IGF1R: variants seen among roughly 807,000 people sequenced by gnomAD.
IGF1R encodes insulin-like growth factor 1 receptor.
Under a neutral mutation model 144.6 loss-of-function variants are expected in IGF1R, and 44 were observed. That is an observed-to-expected ratio of 0.30 (90% confidence interval 0.24 to 0.39). The LOEUF (loss-of-function observed/expected upper bound fraction) is 0.39. Among genes scored for constraint, IGF1R ranks in the 10% least tolerant of loss-of-function variants. The pLI is 1.00. For missense variants in IGF1R, 1,355 were observed against 1,833.7 expected (o/e 0.74, Z 4.77); for synonymous variants, 795 against 722.8 (o/e 1.10, Z -1.60).
At chr15:98,929,959 T>C (rs1479854712) in intron 14 of IGF1R, among the ~76,000 whole-genome samples, 1 of 152,208 alleles carries the variant, frequency 6.6e-6, no homozygotes, top group African/African-American at 2.4e-5. Context: ...AAATAAGCCT[T>C]TTTATTTCCA....
intron 2 of IGF1R, among the ~76,000 whole-genome samples, chr15:98,715,650 C>T (rs1411650354): frequency 2.0e-5 from 3 of 152,058 alleles, no homozygotes; most frequent in African/African-American, 7.2e-5. Context: ...GCTCAACTTG[C>T]GTGTATAGGG....
chr15:98,675,822 C>CTTTTTTTTTTTTTTTTTTTT (rs1555430684), intron 1 of IGF1R, among the ~76,000 whole-genome samples: 2 of 114,416 alleles, frequency 1.7e-5, no homozygotes, highest in Non-Finnish European at 3.6e-5. Context: ...TTCTTTCTTT[C>CTTTTTTTTTTTTTTTTTTTT]TTTCTTTTTT....
At chr15:98,907,539 G>A (rs571933889) in intron 5 of IGF1R, among the ~76,000 whole-genome samples, 2 of 152,328 alleles carry the variant, frequency 1.3e-5, no homozygotes, top group South Asian at 2.1e-4. Context: ...AGCAGAGCAG[G>A]AAGAGGAGAA....
At position 98,959,205 on chromosome 15, in the gene IGF1R, A is replaced by ATT. The variant is rs886051581; in HGVS notation, c.*1769_*1770dup. 8.6e-6 allele frequency: 2 copies of ATT among 233,206 alleles called. No individual in the cohort carries two copies. The highest frequency in any genetic ancestry group is 1.2e-4 in the East Asian group (2 of 16,568). The allele number at this position is 233,206 out of a possible 1,614,324, so 14.4% of individuals were successfully genotyped here. A position where few individuals can be genotyped will look rare whatever the true frequency, so the allele number is the denominator to read the frequency against. ...TAGGTTGTGACACACATATATATAT[A>ATT]TTTTTTTAATTCTTGGGTACAACAG... On this transcript the variant is annotated 3_prime_UTR_variant, in exon 21 of 21. Transcript: ENST00000650285.
chr15:98,656,117 A>G (rs1363958645), intron 1 of IGF1R, among the ~76,000 whole-genome samples: 2 of 152,250 alleles, frequency 1.3e-5, no homozygotes, highest in Non-Finnish European at 2.9e-5. Flanking sequence ...CCTTGTGTCC[A>G]TGGAGCTCAC....
At chr15:98,724,481 G>T (rs1173683626) in intron 2 of IGF1R, among the ~76,000 whole-genome samples, 3 of 152,224 alleles carry the variant, frequency 2.0e-5, no homozygotes, top group Non-Finnish European at 2.9e-5. Flanking sequence ...TCATGGATCT[G>T]CCTATTGCAC....
intron 2 of IGF1R, among the ~76,000 whole-genome samples, chr15:98,780,496 C>T (rs974055708): frequency 7.4e-6 from 1 of 136,054 alleles, no homozygotes; most frequent in Non-Finnish European, 1.5e-5. Flanking sequence ...TTGTGGAGAG[C>T]CAAGATTGCA....
intron 1 of IGF1R, among the ~76,000 whole-genome samples, chr15:98,669,262 C>G (rs551420723): frequency 6.6e-6 from 1 of 152,188 alleles, no homozygotes; most frequent in African/African-American, 2.4e-5. Flanking sequence ...GGGTGTTTAG[C>G]ATGCACCTTG....
Position 98,961,815 on chromosome 15 carries a change from C to G in IGF1R, c.*4373C>G, listed in dbSNP as rs1413147773. 1 of 233,268 alleles carries G rather than the reference C, an allele frequency of 4.3e-6. No individual in the cohort carries two copies. The highest frequency in any genetic ancestry group is 8.5e-6 in the Non-Finnish European group (1 of 118,074). 14.4% of individuals were successfully genotyped at this position (233,268 alleles called of 1,614,324 possible). A position where few individuals can be genotyped will look rare whatever the true frequency, so the allele number is the denominator to read the frequency against. The stretch of plus-strand genomic sequence containing the variant: ...GACATACCTTTGGAACGAGCCTCCT[C>G]CTTGGAAGATGGAAGACCGTGTTCG... On this transcript the variant is annotated 3_prime_UTR_variant, in exon 21 of 21. Coordinates refer to ENST00000650285, the MANE Select transcript of IGF1R (RefSeq NM_000875.5).
chr15:98,869,767 C>T (rs1217240538), intron 2 of IGF1R, among the ~76,000 whole-genome samples: 2 of 152,182 alleles, frequency 1.3e-5, no homozygotes, highest in Non-Finnish European at 2.9e-5. Context: ...GAAGAAGAGA[C>T]ATCTTAAAGT....
intron 2 of IGF1R, among the ~76,000 whole-genome samples, chr15:98,847,158 G>A (rs2011360860): frequency 6.6e-6 from 1 of 152,066 alleles, no homozygotes; most frequent in Admixed American, 6.5e-5. Context: ...TGCATTTTTA[G>A]TAAAGACAGG....
intron 5 of IGF1R, among the ~76,000 whole-genome samples, chr15:98,902,240 A>T (rs12910200): frequency 0.19 from 28,145 of 151,968 alleles, 3,454 homozygotes; most frequent in Non-Finnish European, 0.28. Context: ...ATCCCTAGGC[A>T]CTTCAGCAGG....
At chr15:98,716,071 G>T (rs2054107893) in intron 2 of IGF1R, among the ~76,000 whole-genome samples, 1 of 152,228 alleles carries the variant, frequency 6.6e-6, no homozygotes, top group African/African-American at 2.4e-5. Context: ...ACTTGGGCAT[G>T]TGAGGCTGGT....
chr15:98,821,140 A>G (rs1349930734), intron 2 of IGF1R, among the ~76,000 whole-genome samples: 1 of 152,186 alleles, frequency 6.6e-6, no homozygotes, highest in Non-Finnish European at 1.5e-5. Flanking sequence ...GAAAAACAAA[A>G]ATCAAGGAGA....
chr15:98,676,951 C>T (rs1348281910), intron 1 of IGF1R, among the ~76,000 whole-genome samples: 2 of 150,848 alleles, frequency 1.3e-5, no homozygotes, highest in Non-Finnish European at 3.0e-5. Flanking sequence ...TTTTTTCATT[C>T]CTGAGACAGG....
chr15:98,920,994 T>TCTG (rs1409979322), intron 10 of IGF1R, among the ~76,000 whole-genome samples: 3 of 152,196 alleles, frequency 2.0e-5, no homozygotes, highest in East Asian at 3.9e-4. Flanking sequence ...GCTTTCCCTC[T>TCTG]CTGCTGCTGC....
At chr15:98,849,051 CTTTTAG>C (rs1484446227) in intron 2 of IGF1R, among the ~76,000 whole-genome samples, 1 of 151,690 alleles carries the variant, frequency 6.6e-6, no homozygotes, top group African/African-American at 2.4e-5. Context: ...AGATTTTTTT[CTTTTAG>C]TTAGATTCTG....
chr15:98,729,976 A>G (rs945820462), intron 2 of IGF1R, among the ~76,000 whole-genome samples: 3 of 152,246 alleles, frequency 2.0e-5, no homozygotes, highest in African/African-American at 7.2e-5. Flanking sequence ...ACAAGGGCCT[A>G]TTTAAAGGGC....
At chr15:98,858,232 A>C (rs1225708277) in intron 2 of IGF1R, among the ~76,000 whole-genome samples, 1 of 152,264 alleles carries the variant, frequency 6.6e-6, no homozygotes, top group Non-Finnish European at 1.5e-5. Context: ...TTTGAGTTTA[A>C]AATTTTAGTT....
Sources: gnomAD v4.1 joint callset for allele counts (sites outside exome capture counted in the v4.1 genomes callset) on GRCh38, gnomAD v4.1.1 for gene constraint, MANE v1.5 for transcripts, NCBI Gene and HGNC (gene_info 2026-07-23, HGNC 2026-07-21) for gene names.